CCDC34: variants seen among roughly 807,000 people sequenced by gnomAD.
CCDC34 encodes the protein coiled-coil domain-containing protein 34.
A neutral mutation model predicts 44.1 loss-of-function variants in CCDC34; 40 were observed. The ratio of observed to expected loss-of-function variants is 0.91; its 90% CI spans 0.70 to 1.18. CCDC34 has a LOEUF of 1.18. Ranked by LOEUF, CCDC34 falls within the 50% of genes most tolerant of loss-of-function variation. The pLI, the probability that CCDC34 is intolerant of heterozygous loss-of-function variation, is 0.00. For synonymous variants in CCDC34, 159 were observed against 158.2 expected (o/e 1.01, Z -0.04); for missense variants, 466 against 452.3 (o/e 1.03, Z -0.28).
intron 1 of CCDC34, among the ~76,000 whole-genome samples, chr11:27,362,377 A>G (rs948100065): frequency 4.6e-5 from 7 of 152,216 alleles, no homozygotes; most frequent in Admixed American, 4.6e-4. Flanking sequence ...ACTTTATGTT[A>G]TAAAAAGTGA....
intron 5 of CCDC34, among the ~76,000 whole-genome samples, chr11:27,339,325 A>T (rs1862321473): frequency 6.6e-6 from 1 of 152,228 alleles, no homozygotes; most frequent in African/African-American, 2.4e-5. Context: ...TTTACTAAGA[A>T]ATTAATTTTA....
At chr11:27,359,215 C>T (rs914577385) in intron 1 of CCDC34, among the ~76,000 whole-genome samples, 2 of 152,070 alleles carry the variant, frequency 1.3e-5, no homozygotes, top group African/African-American at 4.8e-5. Flanking sequence ...GGATAAAATC[C>T]AAACTCCTTA....
intron 2 of CCDC34, 142 bp downstream of exon 2, chr11:27,357,261 A>G (rs1862591513): frequency 1.5e-6 from 1 of 656,866 alleles, no homozygotes; most frequent in African/African-American, 1.8e-5. Flanking sequence ...ATAACTTATT[A>G]GTTATTAAAT....
Position 27,358,958 on chromosome 11 carries a change from A to ACC in CCDC34, c.360-1419_360-1418dup, listed in dbSNP as rs71050907. Among the ~76,000 whole-genome samples, 93 of 88,226 alleles carry ACC rather than the reference A, an allele frequency of 1.1e-3. 1 individual carries two copies. Among genetic ancestry groups the ACC allele is most frequent in the South Asian group, 5.2e-3 (9 of 1,722 alleles). The allele number at this position is 88,226 out of a possible 152,430, so 57.9% of individuals were successfully genotyped here. On this transcript the variant is annotated intron_variant, in intron 1 of 5. Transcript: ENST00000328697. ...CCACCTGCTCCTTGTCAACATGTGG[A>ACC]CCCCCCCCCCCCACCGCCACCACCT...
At chr11:27,357,345 C>G in intron 2 of CCDC34, 58 bp downstream of exon 2, 1 of 1,504,906 alleles carries the variant, frequency 6.6e-7, no homozygotes, top group Non-Finnish European at 9.0e-7. Flanking sequence ...TAATTTACAA[C>G]TGCAGCTCTA....
chr11:27,344,359 C>T (rs535943273), intron 3 of CCDC34, among the ~76,000 whole-genome samples: 12 of 148,256 alleles, frequency 8.1e-5, no homozygotes, highest in African/African-American at 2.5e-4. Flanking sequence ...GTTATAAACA[C>T]ATGCATGCTG....
At chr11:27,348,973 G>C (rs1258314690) in intron 3 of CCDC34, 3 of 984,720 alleles carry the variant, frequency 3.0e-6, no homozygotes, top group Non-Finnish European at 3.6e-6. Flanking sequence ...CCCTCCAAAA[G>C]AAATAATTTT....
intron 1 of CCDC34, among the ~76,000 whole-genome samples, chr11:27,361,077 T>C (rs899276923): frequency 2.0e-5 from 3 of 152,248 alleles, no homozygotes; most frequent in African/African-American, 7.2e-5. Flanking sequence ...AAACGTTTAT[T>C]GAGCACCTAA....
chr11:27,345,734 C>T (rs1382832432), intron 3 of CCDC34, among the ~76,000 whole-genome samples: 4 of 152,116 alleles, frequency 2.6e-5, no homozygotes, highest in East Asian at 1.9e-4. Context: ...TGAATAGTGC[C>T]GCAATAAACA....
At chr11:27,340,584 A>C in intron 5 of CCDC34, 112 bp downstream of exon 5, 4 of 1,090,966 alleles carry the variant, frequency 3.7e-6, no homozygotes, top group Non-Finnish European at 5.1e-6. Flanking sequence ...CTTCTGGAAA[A>C]TAGTAATTTG....
At chr11:27,358,725 G>A (rs984642549) in intron 1 of CCDC34, among the ~76,000 whole-genome samples, 1 of 152,014 alleles carries the variant, frequency 6.6e-6, no homozygotes, top group African/African-American at 2.4e-5. Context: ...AGGCCAGACC[G>A]TCATCTTGAG....
At chr11:27,360,579 G>A (rs1862648049) in intron 1 of CCDC34, among the ~76,000 whole-genome samples, 1 of 147,118 alleles carries the variant, frequency 6.8e-6, no homozygotes, top group Non-Finnish European at 1.5e-5. Context: ...ACAATGAAAG[G>A]GCTGACTCAG....
chr11:27,350,784 C>CT (rs35434733), intron 2 of CCDC34, among the ~76,000 whole-genome samples: 5 of 149,800 alleles, frequency 3.3e-5, no homozygotes, highest in South Asian at 4.2e-4. Context: ...AGAATTGCAA[C>CT]TTTTTTTTTT....
In CCDC34 at chr11:27,341,543, TTTC is replaced by T. The variant is rs1266338739; in HGVS notation, c.611_613del (p.Arg204del). 2 of 1,259,092 alleles carry T rather than the reference TTTC, an allele frequency of 1.6e-6. No individual in the cohort carries two copies. Among genetic ancestry groups the T allele is most frequent in the East Asian group, 2.6e-5 (1 of 37,786 alleles). 78.0% of individuals were successfully genotyped at this position (1,259,092 alleles called of 1,614,324 possible). ...TTTATTAATTTTTTGTTCTCTTTCTTTTCTTTTCTTAAATAAAAATAGATAAAG... is the reference window on the plus strand; with the variant it reads ...TTTATTAATTTTTTGTTCTCTTTCTTTTTTCTTAAATAAAAATAGATAAAG... On this transcript the variant is annotated inframe_deletion, in exon 4 of 6. Coordinates refer to ENST00000328697, the MANE Select transcript of CCDC34 (RefSeq NM_030771.2).
At chr11:27,362,441 A>C (rs1391555280) in intron 1 of CCDC34, among the ~76,000 whole-genome samples, 1 of 152,188 alleles carries the variant, frequency 6.6e-6, no homozygotes. Flanking sequence ...AGAATAACCA[A>C]CCACAGGTAC....
chr11:27,349,461 T>C, intron 3 of CCDC34: 1 of 824,112 alleles, frequency 1.2e-6, no homozygotes, highest in Non-Finnish European at 1.5e-6. Flanking sequence ...TTAATACCAT[T>C]AGGCATTAGA....
chr11:27,343,395 C>T (rs1862391295), intron 3 of CCDC34, among the ~76,000 whole-genome samples: 1 of 141,778 alleles, frequency 7.1e-6, no homozygotes, highest in South Asian at 2.5e-4. Context: ...GAGCAAGACT[C>T]CGTCTCAAAA....
At chr11:27,353,952 A>C (rs1862537879) in intron 2 of CCDC34, among the ~76,000 whole-genome samples, 1 of 152,228 alleles carries the variant, frequency 6.6e-6, no homozygotes, top group African/African-American at 2.4e-5. Context: ...TAGTTTTAAT[A>C]GGGATCTGAG....
At chr11:27,354,614 C>T (rs1862547444) in intron 2 of CCDC34, among the ~76,000 whole-genome samples, 3 of 152,046 alleles carry the variant, frequency 2.0e-5, no homozygotes, top group South Asian at 2.1e-4. Context: ...ACCTGTAACC[C>T]CAGCACTTTG....
Sources: gnomAD v4.1 joint callset for allele counts (sites outside exome capture counted in the v4.1 genomes callset) on GRCh38, gnomAD v4.1.1 for gene constraint, MANE v1.5 for transcripts, NCBI Gene and HGNC (gene_info 2026-07-23, HGNC 2026-07-21) for gene names.